The following SIMC1 variants were observed in gnomAD, a reference collection of about 807,000 sequenced individuals.
SIMC1 encodes SUMO-interacting motif-containing protein 1.
A neutral mutation model predicts 82.3 loss-of-function variants in SIMC1; 55 were observed. That is an observed-to-expected ratio of 0.67 (90% CI 0.54 to 0.84). SIMC1 has a LOEUF of 0.84. SIMC1 is among the 40% of genes least tolerant of loss of function. The probability of loss-of-function intolerance (pLI) is 0.00; values close to 1 mark genes in which losing one functional copy is unlikely to be tolerated. For missense variants in SIMC1, 915 were observed against 1,107.2 expected, an observed-to-expected ratio of 0.83 and a Z score of 2.46; for synonymous variants, 353 against 426.3, an observed-to-expected ratio of 0.83 and a Z score of 2.12.
rs376185110 is a variant in SIMC1 at position 176,331,403 on chromosome 5, CAAAGCAATGT to C, written c.2172-5308_2172-5299del. ...AAAAAAAAGTCAGTATCATGAAAGA[CAAAGCAATGT>C]AAAGCAATTCTCCTGCCTCAGCCTT... is the stretch of plus-strand genomic sequence containing the variant. On this transcript the variant is annotated intron_variant, in intron 7 of 9. Coordinates refer to ENST00000429602, the MANE Select transcript of SIMC1 (RefSeq NM_001308195.2). Among the ~76,000 whole-genome samples the C allele has an allele frequency of 5.2e-4, 77 of 148,382 alleles. 1 individual carries two copies. In the East Asian group the frequency reaches 0.014, roughly 27 times the overall value.
chr5:176,282,563 C>T lies in SIMC1; in HGVS notation c.130-7091C>T, dbSNP rs181408001. 8.0e-4 allele frequency among the ~76,000 whole-genome samples: 122 copies of T among 151,696 alleles called. 1 individual carries two copies. The highest frequency in any genetic ancestry group is 5.4e-3 in the Admixed American group (82 of 15,274). On this transcript the variant is annotated intron_variant, in intron 1 of 9. Coordinates refer to ENST00000429602, the MANE Select transcript of SIMC1 (RefSeq NM_001308195.2). ...GCTGTAGACCGGAGCTGTTCCTATTCGGCCATCTTGGCTCCTCCCCCCGAA... is the reference window on the plus strand; with the variant it reads ...GCTGTAGACCGGAGCTGTTCCTATTTGGCCATCTTGGCTCCTCCCCCCGAA...
Position 176,345,291 on chromosome 5 carries a change from T to C in SIMC1, c.2522T>C (p.Ile841Thr), listed in dbSNP as rs116804795. 2 of 1,613,962 alleles carry C rather than the reference T, an allele frequency of 1.2e-6. No individual in the cohort carries two copies. Among genetic ancestry groups the C allele is most frequent in the African/African-American group, 1.3e-5 (1 of 75,014 alleles). ...DITVVDVEKQ[I>T]EAFRSRLIQM... ...ACAGTGGTAGACGTAGAGAAGCAGATTGAGGCCTTCCGCAGCCGCCTGATC... is the reference window on the plus strand; with the variant it reads ...ACAGTGGTAGACGTAGAGAAGCAGACTGAGGCCTTCCGCAGCCGCCTGATC... The change falls in exon 10 of 10, where the codon ATT becomes ACT. Residue 841 changes from isoleucine (I) to threonine (T), a missense_variant. Physicochemically the swap from Ile to Thr is moderately conservative, Grantham distance 89 (BLOSUM62 -1). Transcript: ENST00000429602.
intron 5 of SIMC1, among the ~76,000 whole-genome samples, chr5:176,321,129 T>A (rs1248317862): frequency 6.6e-6 from 1 of 152,208 alleles, no homozygotes; most frequent in African/African-American, 2.4e-5. Flanking sequence ...TGTAGTTGTA[T>A]TGCATATACA....
intron 2 of SIMC1, among the ~76,000 whole-genome samples, chr5:176,293,030 GC>G: frequency 6.6e-6 from 1 of 152,186 alleles, no homozygotes; most frequent in East Asian, 1.9e-4. Flanking sequence ...ACCAGCTTCT[GC>G]CATTTGTTGT....
At chr5:176,294,097 C>G (rs557263001) in intron 2 of SIMC1, among the ~76,000 whole-genome samples, 2 of 152,276 alleles carry the variant, frequency 1.3e-5, no homozygotes, top group South Asian at 4.2e-4. Flanking sequence ...TCACAGCTAT[C>G]CCTAAGTCTC....
At chr5:176,325,654 C>A (rs1030556495) in intron 7 of SIMC1, among the ~76,000 whole-genome samples, 5 of 152,110 alleles carry the variant, frequency 3.3e-5, no homozygotes, top group Non-Finnish European at 5.9e-5. Flanking sequence ...CCACTGCACT[C>A]TAGCCTGGGT....
intron 3 of SIMC1, 185 bp from the exon 4 acceptor site, chr5:176,296,066 C>T: frequency 9.2e-7 from 1 of 1,091,296 alleles, no homozygotes; most frequent in Non-Finnish European, 1.3e-6. Context: ...GGACTGGATA[C>T]TGGGTAGCAA....
At chr5:176,258,553 C>T (rs1761919607) in intron 1 of SIMC1, among the ~76,000 whole-genome samples, 1 of 150,556 alleles carries the variant, frequency 6.6e-6, no homozygotes, top group South Asian at 2.1e-4. Flanking sequence ...AAAATAGACT[C>T]ACGAGAGTTT....
chr5:176,323,907 G>A (rs1765264114), intron 6 of SIMC1, among the ~76,000 whole-genome samples: 1 of 150,772 alleles, frequency 6.6e-6, no homozygotes, highest in Admixed American at 6.7e-5. Context: ...AGAATGGAGT[G>A]AACCTGGGAG....
intron 4 of SIMC1, chr5:176,308,676 G>A: frequency 6.4e-7 from 1 of 1,559,948 alleles, no homozygotes; most frequent in Non-Finnish European, 8.8e-7. Flanking sequence ...GGGCCAGAAG[G>A]AAGAGGAAAG....
chr5:176,288,236 C>T (rs1484595025), intron 1 of SIMC1, among the ~76,000 whole-genome samples: 1 of 152,018 alleles, frequency 6.6e-6, no homozygotes, highest in African/African-American at 2.4e-5. Flanking sequence ...GGTGAAACCT[C>T]ATCTCTACTA....
chr5:176,342,096 C>CT (rs1331410279), intron 9 of SIMC1, among the ~76,000 whole-genome samples: 2 of 152,350 alleles, frequency 1.3e-5, no homozygotes, highest in Middle Eastern at 3.4e-3. Flanking sequence ...TGCTTGCCCT[C>CT]TAAGTTTCCC....
intron 1 of SIMC1, among the ~76,000 whole-genome samples, chr5:176,280,113 C>T (rs991719612): frequency 6.6e-6 from 1 of 152,062 alleles, no homozygotes; most frequent in Non-Finnish European, 1.5e-5. Context: ...GAGTCTAAGT[C>T]TCTTTGTAGG....
chr5:176,291,316 G>A (rs1057476751), intron 2 of SIMC1, among the ~76,000 whole-genome samples: 5 of 143,778 alleles, frequency 3.5e-5, no homozygotes, highest in Non-Finnish European at 6.0e-5. Context: ...GGCGCATGCC[G>A]CCATGCCCGG....
In SIMC1 at chr5:176,288,423, G is replaced by GAATGAATAAATAAATA. The variant is rs1554109230; in HGVS notation, c.130-1228_130-1227insGAATAAATAAATAAAT. On this transcript the variant is annotated intron_variant, in intron 1 of 9. Transcript: ENST00000429602. Reference sequence around the variant, plus strand: ...GACTCCATCTCAAGAATGAATGAATGAATAAATAAATAAATAAATAAATAA... The same window carrying GAATGAATAAATAAATA: ...GACTCCATCTCAAGAATGAATGAATGAATGAATAAATAAATAAATAAATAAATAAATAAATAAATAA... Among the ~76,000 whole-genome samples, 785 of 126,772 alleles carry GAATGAATAAATAAATA rather than the reference G, an allele frequency of 6.2e-3. 3 individuals are homozygous for GAATGAATAAATAAATA. The highest frequency in any genetic ancestry group is 0.013 in the East Asian group (55 of 4,326). 83.2% of individuals were successfully genotyped at this position (126,772 alleles called of 152,430 possible). A position where few individuals can be genotyped will look rare whatever the true frequency, so the allele number is the denominator to read the frequency against.
rs561872440 is a variant in SIMC1 at position 176,277,322 on chromosome 5, G to A, written c.130-12332G>A. Among the ~76,000 whole-genome samples the A allele has an allele frequency of 6.3e-4, 95 of 151,894 alleles. 1 individual carries two copies. Among genetic ancestry groups the A allele is most frequent in the African/African-American group, 2.2e-3 (91 of 41,318 alleles). ...TTGTTTTTTTCTTGTAAATTTGTTT[G>A]AGTTCATTGTAGATTCTGGATATTA... On this transcript the variant is annotated intron_variant, in intron 1 of 9. Coordinates refer to ENST00000429602, the MANE Select transcript of SIMC1 (RefSeq NM_001308195.2).
chr5:176,294,969 A>C, intron 2 of SIMC1, 61 bp from the exon 3 acceptor site: 14 of 1,290,678 alleles, frequency 1.1e-5, no homozygotes, highest in South Asian at 1.6e-5. Flanking sequence ...CGTCTCAAAA[A>C]AAAAAAAAAA....
At chr5:176,323,967 G>A (rs976987097) in intron 6 of SIMC1, among the ~76,000 whole-genome samples, 5 of 144,524 alleles carry the variant, frequency 3.5e-5, no homozygotes, top group African/African-American at 7.7e-5. Flanking sequence ...CAGCCTGGGC[G>A]ACAGAGCTAG....
intron 4 of SIMC1, among the ~76,000 whole-genome samples, chr5:176,304,745 C>T (rs1209294669): frequency 2.0e-5 from 3 of 150,842 alleles, no homozygotes; most frequent in Non-Finnish European, 3.0e-5. Context: ...AAGTGAGGAG[C>T]GCCTCTTCCC....
Sources: allele counts gnomAD v4.1 joint callset (sites outside exome capture counted in the v4.1 genomes callset), GRCh38; gene constraint gnomAD v4.1.1; transcripts MANE v1.5; gene names NCBI Gene and HGNC (gene_info 2026-07-23, HGNC 2026-07-21).